SGPP2: variants seen among roughly 807,000 people sequenced by gnomAD.
The protein encoded by SGPP2 is sphingosine 1-phosphate phosphohydrolase 2.
In SGPP2, 30 loss-of-function variants were observed where a neutral mutation model predicts 33.9. That is an observed-to-expected ratio of 0.89 (90% CI 0.66 to 1.20). The LOEUF is 1.20. Among genes scored for constraint, SGPP2 ranks in the 50% most tolerant of loss-of-function variants. The pLI is 0.00. For synonymous variants in SGPP2, 233 were observed against 225.0 expected, an observed-to-expected ratio of 1.04 and a Z score of -0.32; for missense variants, 458 against 532.1, an observed-to-expected ratio of 0.86 and a Z score of 1.37.
In SGPP2 at chr2:222,477,955, C is replaced by T. The variant is rs60780669; in HGVS notation, c.378+3229C>T. Among the ~76,000 whole-genome samples, 4,091 of 152,164 alleles carry T rather than the reference C, an allele frequency of 0.027. 192 individuals are homozygous for T. Among genetic ancestry groups the T allele is most frequent in the African/African-American group, 0.09 (3,734 of 41,478 alleles). On this transcript the variant is annotated intron_variant, in intron 2 of 4. Transcript: ENST00000321276. This position sits in a 1 kb window ranked among gnomAD's most constrained non-coding sequence, Gnocchi z 6.0. ...AATAACCTCTGAATCTGCAGTTTGT[C>T]CTGAGGTTTGGCCACCTGTTACTTG...
Position 222,460,808 on chromosome 2 carries a change from A to ACG in SGPP2, c.220-13760_220-13759insCG, listed in dbSNP as rs78106025. Among the ~76,000 whole-genome samples the ACG allele has an allele frequency of 6.6e-6, 1 of 151,622 alleles. No individual in the cohort carries two copies. The highest frequency in any genetic ancestry group is 2.4e-5 in the African/African-American group (1 of 41,240). On this transcript the variant is annotated intron_variant, in intron 1 of 4. Coordinates refer to ENST00000321276, the MANE Select transcript of SGPP2 (RefSeq NM_152386.4). The surrounding 1 kb of genome is among the most constrained non-coding windows in gnomAD (Gnocchi z 4.3). The stretch of plus-strand genomic sequence containing the variant: ...CCTCTTGCTGTTCCTTTCTGCTGGA[A>ACG]TGTCCCTCTTTCCCTTCTCTGTTAA...
intron 4 of SGPP2, among the ~76,000 whole-genome samples, chr2:222,534,646 A>G (rs939821874): frequency 4.6e-5 from 7 of 152,204 alleles, no homozygotes; most frequent in African/African-American, 9.6e-5. Flanking sequence ...TGGGAAAAAA[A>G]GCCGATGGCA....
chr2:222,427,532 C>A (rs150768808), intron 1 of SGPP2, among the ~76,000 whole-genome samples: 36 of 152,118 alleles, frequency 2.4e-4, no homozygotes, highest in Admixed American at 2.2e-3. Flanking sequence ...TCTGCCTCAG[C>A]CTTGCAAAGT....
intron 4 of SGPP2, among the ~76,000 whole-genome samples, chr2:222,553,558 C>A (rs138854404): frequency 6.6e-6 from 1 of 152,266 alleles, no homozygotes; most frequent in African/African-American, 2.4e-5. Context: ...GGGCAGTACC[C>A]TGAATCTGCA....
intron 2 of SGPP2, among the ~76,000 whole-genome samples, chr2:222,491,145 T>A (rs371342566): frequency 0.011 from 1,597 of 152,094 alleles, 26 homozygotes; most frequent in African/African-American, 0.031. Context: ...AAATATATAT[T>A]TTTTTTTGAA....
chr2:222,496,401 A>G (rs1323682376), intron 2 of SGPP2, among the ~76,000 whole-genome samples: 1 of 152,202 alleles, frequency 6.6e-6, no homozygotes, highest in Non-Finnish European at 1.5e-5. Flanking sequence ...TATTCTGAAC[A>G]TTTCTGGAAA....
chr2:222,470,816 T>C (rs945135971), intron 1 of SGPP2, among the ~76,000 whole-genome samples: 1 of 152,184 alleles, frequency 6.6e-6, no homozygotes, highest in Non-Finnish European at 1.5e-5. Context: ...CAAACCTTTA[T>C]GTGAAAAGGA....
At chr2:222,457,215 C>T (rs1410682074) in intron 1 of SGPP2, among the ~76,000 whole-genome samples, 3 of 151,486 alleles carry the variant, frequency 2.0e-5, no homozygotes, top group Non-Finnish European at 4.4e-5. Flanking sequence ...CCATGTTTTG[C>T]AAATATGAGG....
chr2:222,538,887 T>C (rs1176612296), intron 4 of SGPP2, among the ~76,000 whole-genome samples: 1 of 152,092 alleles, frequency 6.6e-6, no homozygotes, highest in Non-Finnish European at 1.5e-5. Flanking sequence ...TCCAGTCACC[T>C]CCCACCAGGT....
intron 2 of SGPP2, among the ~76,000 whole-genome samples, chr2:222,496,200 C>T (rs78595400): frequency 6.6e-6 from 1 of 152,334 alleles, no homozygotes; most frequent in African/African-American, 2.4e-5. Context: ...TTGTGCCTGC[C>T]TGTGGAGATG....
intron 2 of SGPP2, among the ~76,000 whole-genome samples, chr2:222,489,791 C>A (rs1295268112): frequency 6.6e-6 from 1 of 151,988 alleles, no homozygotes; most frequent in Admixed American, 6.6e-5. Context: ...CATGGAGAAA[C>A]CCCATCTCTA....
intron 2 of SGPP2, among the ~76,000 whole-genome samples, chr2:222,514,233 A>G (rs1335398713): frequency 6.6e-6 from 1 of 152,260 alleles, no homozygotes; most frequent in African/African-American, 2.4e-5. Context: ...CAGTATCACT[A>G]TGAATGTGCC....
intron 2 of SGPP2, among the ~76,000 whole-genome samples, chr2:222,510,606 G>T (rs1698512570): frequency 6.6e-6 from 1 of 152,178 alleles, no homozygotes; most frequent in African/African-American, 2.4e-5. Context: ...AAGGAAAAAA[G>T]ATATTGGGAT....
At chr2:222,551,729 C>T (rs1359204130) in intron 4 of SGPP2, among the ~76,000 whole-genome samples, 2 of 152,122 alleles carry the variant, frequency 1.3e-5, no homozygotes, top group African/African-American at 4.8e-5. Context: ...TCCTGATGCA[C>T]TGAAGATGAA....
chr2:222,561,020 G>A lies in SGPP2; in HGVS notation c.*2122G>A, dbSNP rs1290801307. 6.6e-6 allele frequency: 1 copy of A among 151,938 alleles called. No homozygotes were observed. The highest frequency in any genetic ancestry group is 1.5e-5 in the Non-Finnish European group (1 of 68,054). The allele number at this position is 151,938 out of a possible 1,614,324, so 9.4% of individuals were successfully genotyped here. On this transcript the variant is annotated 3_prime_UTR_variant, in exon 5 of 5. Transcript: ENST00000321276. Reference sequence around the variant, plus strand: ...CTCAGGAGGCTGAGGCAGGAGAATGGCGTGAACCCGGTGAGCGGAGCTTGC... The same window carrying A: ...CTCAGGAGGCTGAGGCAGGAGAATGACGTGAACCCGGTGAGCGGAGCTTGC...
At chr2:222,443,122 T>C (rs1347183279) in intron 1 of SGPP2, among the ~76,000 whole-genome samples, 3 of 152,198 alleles carry the variant, frequency 2.0e-5, no homozygotes, top group African/African-American at 7.2e-5. Flanking sequence ...AGAATGGCCA[T>C]TGTCTGGTGA....
intron 4 of SGPP2, among the ~76,000 whole-genome samples, chr2:222,557,595 A>G (rs913553155): frequency 3.6e-4 from 55 of 152,344 alleles, no homozygotes; most frequent in African/African-American, 1.3e-3. Context: ...TCGATTAATT[A>G]TATTGTGCAA....
At chr2:222,454,045 G>C (rs1697533365) in intron 1 of SGPP2, among the ~76,000 whole-genome samples, 1 of 152,210 alleles carries the variant, frequency 6.6e-6, no homozygotes, top group African/African-American at 2.4e-5. Flanking sequence ...ATTTCCAAAA[G>C]TGTAGATGCA....
Position 222,490,620 on chromosome 2 carries a change from T to C in SGPP2, c.378+15894T>C, listed in dbSNP as rs6436319. On this transcript the variant is annotated intron_variant, in intron 2 of 4. Transcript: ENST00000321276. ...ACCTGGCTAATTTTTTTTTTTTTTT[T>C]TTTTTGTAAAGGCAAGGTCTCACTA... 4.6e-3 allele frequency among the ~76,000 whole-genome samples: 662 copies of C among 143,118 alleles called. 5 individuals carry two copies. The highest frequency in any genetic ancestry group is 0.014 in the South Asian group (62 of 4,448). The allele number at this position is 143,118 out of a possible 152,430, so 93.9% of individuals were successfully genotyped here.
Sources: gnomAD v4.1 joint callset for allele counts (sites outside exome capture counted in the v4.1 genomes callset) on GRCh38, gnomAD v4.1.1 for gene constraint, Gnocchi (gnomAD v3.1) non-coding constraint, MANE v1.5 for transcripts, NCBI Gene and HGNC (gene_info 2026-07-23, HGNC 2026-07-21) for gene names.